Variants in NEK7 observed in about 807,000 individuals in gnomAD.
NEK7 encodes serine/threonine-protein kinase Nek7.
A neutral mutation model predicts 44.6 loss-of-function variants in NEK7; 18 were observed. The observed-to-expected ratio is 0.40, with a 90% CI of 0.28 to 0.60. NEK7 has a LOEUF of 0.60. Ranked by LOEUF, NEK7 falls within the 20% of genes least tolerant of loss-of-function variation. NEK7 has a pLI of 0.38. For missense variants in NEK7, 256 were observed against 366.5 expected (o/e 0.70, Z 2.46); for synonymous variants, 130 against 121.1 (o/e 1.07, Z -0.48).
intron 5 of NEK7, among the ~76,000 whole-genome samples, chr1:198,271,007 C>T (rs1347337517): frequency 6.6e-6 from 1 of 152,094 alleles, no homozygotes; most frequent in African/African-American, 2.4e-5. Flanking sequence ...CTACTTCCCT[C>T]CTGGTTGTCA....
chr1:198,307,273 G>C (rs907926239), intron 9 of NEK7, among the ~76,000 whole-genome samples: 1 of 152,032 alleles, frequency 6.6e-6, no homozygotes, highest in South Asian at 2.1e-4. Context: ...GAAGATCTTT[G>C]AGTAATGTAC....
intron 2 of NEK7, among the ~76,000 whole-genome samples, chr1:198,241,433 T>A (rs1395279130): frequency 6.6e-6 from 1 of 152,212 alleles, no homozygotes; most frequent in Non-Finnish European, 1.5e-5. Flanking sequence ...CTAGTACAGT[T>A]ATGATAGGTG....
intron 1 of NEK7, among the ~76,000 whole-genome samples, chr1:198,167,671 A>T (rs1664307624): frequency 6.6e-6 from 1 of 152,086 alleles, no homozygotes; most frequent in South Asian, 2.1e-4. Context: ...GTTTTTTTGC[A>T]CAGGGGCAAA....
intron 1 of NEK7, among the ~76,000 whole-genome samples, chr1:198,215,513 C>T (rs1449118051): frequency 6.6e-6 from 1 of 151,144 alleles, no homozygotes; most frequent in Non-Finnish European, 1.5e-5. Context: ...TGCTCATCAG[C>T]TGTCATTAGT....
In NEK7 at chr1:198,277,878, T is replaced by TC. The variant is rs954564568; in HGVS notation, c.373-82dup. 5.5e-6 allele frequency: 4 copies of TC among 730,746 alleles called. No individual in the cohort carries two copies. The African/African-American group carries it at 7.2e-5, about 13-fold the overall frequency. The allele number at this position is 730,746 out of a possible 1,614,324, so 45.3% of individuals were successfully genotyped here. On this transcript the variant is annotated intron_variant, in intron 5 of 9. Coordinates refer to ENST00000367385, the MANE Select transcript of NEK7 (RefSeq NM_133494.3). ...AATGGTAGATAAAATTAGCTGTTTT[T>TC]CTGACTTACGGATTTTTGCTTACCA...
intron 1 of NEK7, among the ~76,000 whole-genome samples, chr1:198,229,860 T>C (rs963080103): frequency 1.4e-4 from 21 of 152,190 alleles, no homozygotes; most frequent in Non-Finnish European, 2.6e-4. Context: ...TTAAGTTTCT[T>C]TGAGTTTTAT....
chr1:198,164,176 T>G (rs1664195092), intron 1 of NEK7, among the ~76,000 whole-genome samples: 1 of 152,220 alleles, frequency 6.6e-6, no homozygotes, highest in African/African-American at 2.4e-5. Context: ...ATCACTTTTT[T>G]TAAGTGGAAA....
intron 1 of NEK7, among the ~76,000 whole-genome samples, chr1:198,191,649 GT>G (rs1378025532): frequency 5.3e-5 from 8 of 151,616 alleles, no homozygotes; most frequent in Non-Finnish European, 1.0e-4. Flanking sequence ...TTTGTTAGTC[GT>G]TTTTTTATAG....
intron 3 of NEK7, among the ~76,000 whole-genome samples, chr1:198,259,811 TCACA>T (rs145517799): frequency 2.0e-5 from 3 of 150,818 alleles, no homozygotes; most frequent in Non-Finnish European, 4.4e-5. Context: ...ACACACACAC[TCACA>T]CACACACACA....
Position 198,319,525 on chromosome 1 carries a change from A to G in NEK7, c.*3A>G. ...ATGCATGCACTGCAAGCAGCTAAAC[A>G]TGCAAGATCATGAAGAGTGTAACCA... On this transcript the variant is annotated 3_prime_UTR_variant, in exon 10 of 10. Coordinates refer to ENST00000367385, the MANE Select transcript of NEK7 (RefSeq NM_133494.3). 6.2e-7 allele frequency: 1 copy of G among 1,606,710 alleles called. No homozygotes were observed. The highest frequency in any genetic ancestry group is 8.5e-7 in the Non-Finnish European group (1 of 1,176,814).
rs549396447 is a variant in NEK7, at chr1:198,229,490, G to T, written c.-28-3063G>T. Among the ~76,000 whole-genome samples, 13 of 152,316 alleles carry T rather than the reference G, an allele frequency of 8.5e-5. No individual in the cohort carries two copies. The East Asian group carries it at 1.5e-3, about 18-fold the overall frequency. On this transcript the variant is annotated intron_variant, in intron 1 of 9. Coordinates refer to ENST00000367385, the MANE Select transcript of NEK7 (RefSeq NM_133494.3). ...ATTCCAGAGGCTCGGACTGTGACTG[G>T]TGGAAAGGGGGCGGTGGTCTTGTGG...
At chr1:198,249,188 G>A (rs1181559731) in intron 2 of NEK7, among the ~76,000 whole-genome samples, 2 of 151,216 alleles carry the variant, frequency 1.3e-5, no homozygotes, top group Admixed American at 6.6e-5. Context: ...ATGATTTCCA[G>A]TTTCATCCAT....
chr1:198,273,007 A>AAT (rs1454433235), intron 5 of NEK7, among the ~76,000 whole-genome samples: 1 of 151,700 alleles, frequency 6.6e-6, no homozygotes, highest in Non-Finnish European at 1.5e-5. Context: ...CCTAAGATGA[A>AAT]ATATATTTTT....
intron 1 of NEK7, among the ~76,000 whole-genome samples, chr1:198,224,780 C>T (rs1666167612): frequency 6.6e-6 from 1 of 151,768 alleles, no homozygotes; most frequent in African/African-American, 2.4e-5. Flanking sequence ...AAACAAAAGG[C>T]CTTTTAGAGA....
rs545643801 is a variant in NEK7, at chr1:198,200,024, A to T, written c.-28-32529A>T. ...CTTGCTCTCCTTTAAGATTACTTAA[A>T]TTTTTTGCTACTTCTTGCCCCATTA... is the stretch of plus-strand genomic sequence containing the variant. On this transcript the variant is annotated intron_variant, in intron 1 of 9. Transcript: ENST00000367385. 3.3e-5 allele frequency among the ~76,000 whole-genome samples: 5 copies of T among 152,100 alleles called. No individual in the cohort carries two copies. The East Asian group carries it at 9.6e-4, about 29-fold the overall frequency.
chr1:198,262,535 G>T (rs1653510176), intron 3 of NEK7, 40 bp from the exon 4 acceptor site: 1 of 1,238,054 alleles, frequency 8.1e-7, no homozygotes, highest in South Asian at 1.2e-5. Context: ...TTGAACCATA[G>T]GTTATTATTT....
chr1:198,223,202 A>G (rs953504034), intron 1 of NEK7, among the ~76,000 whole-genome samples: 12 of 152,224 alleles, frequency 7.9e-5, no homozygotes, highest in African/African-American at 2.9e-4. Context: ...TCAAAATATC[A>G]CTTTGGAGAG....
intron 6 of NEK7, 67 bp downstream of exon 6, chr1:198,278,136 C>A: frequency 1.2e-6 from 1 of 855,862 alleles, no homozygotes; most frequent in South Asian, 1.4e-5. Context: ...AAGTAAATGT[C>A]TTCAAGTCAG....
intron 3 of NEK7, chr1:198,256,308 C>T: frequency 6.3e-7 from 1 of 1,593,100 alleles, no homozygotes; most frequent in Non-Finnish European, 8.5e-7. Flanking sequence ...ATGTGTTCAG[C>T]TCTGGCCATT....
Sources: allele counts gnomAD v4.1 joint callset (sites outside exome capture counted in the v4.1 genomes callset), GRCh38; gene constraint gnomAD v4.1.1; transcripts MANE v1.5; gene names NCBI Gene and HGNC (gene_info 2026-07-23, HGNC 2026-07-21).